The following GALNT13 variants were observed in gnomAD, a reference collection of about 807,000 sequenced individuals.
The protein encoded by GALNT13 is UDP-GalNAc:polypeptide N-acetylgalactosaminyltransferase 13.
GALNT13 carries 28 observed loss-of-function variants against 64.2 expected under a neutral mutation model. The observed-to-expected ratio is 0.44, with a 90% CI of 0.32 to 0.60. The LOEUF (loss-of-function observed/expected upper bound fraction) is 0.60. Ranked by LOEUF, GALNT13 falls within the 20% of genes least tolerant of loss-of-function variation. The probability of loss-of-function intolerance (pLI) is 0.05; values close to 1 mark genes in which losing one functional copy is unlikely to be tolerated. For missense variants in GALNT13, 577 were observed against 669.8 expected, an observed-to-expected ratio of 0.86 and a Z score of 1.53; for synonymous variants, 214 against 224.6, an observed-to-expected ratio of 0.95 and a Z score of 0.42.
At chr2:153,528,283 T>A in the GALNT13 span, among the ~76,000 whole-genome samples, 37 of 151,916 alleles carry the variant, frequency 2.4e-4, no homozygotes, top group Non-Finnish European at 4.4e-4. Flanking sequence ...CAGCTATACT[T>A]TTATCAGATA....
intron 3 of GALNT13, among the ~76,000 whole-genome samples, chr2:154,130,170 T>A (rs116728341): frequency 7.9e-4 from 120 of 152,282 alleles, no homozygotes; most frequent in African/African-American, 2.7e-3. Flanking sequence ...AAATTATAGT[T>A]GTGGTTGAGA....
In GALNT13 at chr2:154,231,237, A is replaced by C. The variant is rs1688897935; in HGVS notation, c.312-10793A>C. Among the ~76,000 whole-genome samples the C allele has an allele frequency of 2.0e-5, 3 of 152,130 alleles. No homozygotes were observed. In the South Asian group the frequency reaches 6.2e-4, roughly 31 times the overall value. On this transcript the variant is annotated intron_variant, in intron 4 of 12. Transcript: ENST00000392825. ...TATTTCCTCGGTTTCCTGGCAATAC[A>C]TACCTCCTTAAAAGAAATTCTTCCT...
At chr2:153,314,193 G>C in the GALNT13 span, among the ~76,000 whole-genome samples, 1 of 152,166 alleles carries the variant, frequency 6.6e-6, no homozygotes. Flanking sequence ...GAGGCATAAG[G>C]AAGAATCAGT....
chr2:154,328,744 A>G (rs1441314556), intron 9 of GALNT13, among the ~76,000 whole-genome samples: 3 of 152,140 alleles, frequency 2.0e-5, no homozygotes, highest in Non-Finnish European at 2.9e-5. Context: ...TTGTGCCAAC[A>G]TTACAACCCA....
At chr2:153,926,181 A>G (rs1172476446) in intron 2 of GALNT13, 4 of 152,224 alleles carry the variant, frequency 2.6e-5, no homozygotes, top group East Asian at 3.9e-4. Context: ...TTTAAATAAT[A>G]TAAAAAAGAA....
At chr2:153,491,503 C>T in the GALNT13 span, among the ~76,000 whole-genome samples, 1 of 152,012 alleles carries the variant, frequency 6.6e-6, no homozygotes, top group African/African-American at 2.4e-5. Context: ...CAGACTCTCC[C>T]TGTGAGAACA....
the GALNT13 span, among the ~76,000 whole-genome samples, chr2:153,524,651 G>C: frequency 6.6e-6 from 1 of 152,172 alleles, no homozygotes; most frequent in Non-Finnish European, 1.5e-5. Context: ...GGAAACGAAA[G>C]CCAGATCAAA....
chr2:153,743,382 T>C, the GALNT13 span, among the ~76,000 whole-genome samples: 1 of 152,176 alleles, frequency 6.6e-6, no homozygotes, highest in African/African-American at 2.4e-5. Context: ...CTCTTTGGCA[T>C]ACTGATTTCA....
chr2:153,448,070 T>C, the GALNT13 span, among the ~76,000 whole-genome samples: 1 of 152,152 alleles, frequency 6.6e-6, no homozygotes, highest in East Asian at 1.9e-4. Context: ...CCCTTACAAA[T>C]GTTTGCAAAG....
the GALNT13 span, among the ~76,000 whole-genome samples, chr2:153,145,602 T>C: frequency 2.6e-5 from 4 of 151,824 alleles, no homozygotes; most frequent in Non-Finnish European, 5.9e-5. Flanking sequence ...GTTTTCAGAG[T>C]GTGTGACTAT....
chr2:153,314,368 G>A, the GALNT13 span, among the ~76,000 whole-genome samples: 1 of 152,072 alleles, frequency 6.6e-6, no homozygotes, highest in Non-Finnish European at 1.5e-5. Context: ...TTCAATAATG[G>A]ATAACAATTA....
chr2:153,849,509 A>T, the GALNT13 span, among the ~76,000 whole-genome samples: 1 of 152,230 alleles, frequency 6.6e-6, no homozygotes, highest in Non-Finnish European at 1.5e-5. Context: ...TCAGATAATG[A>T]TTATTGGTCA....
the GALNT13 span, among the ~76,000 whole-genome samples, chr2:153,803,645 T>C: frequency 7.4e-6 from 1 of 135,958 alleles, no homozygotes; most frequent in South Asian, 2.2e-4. Context: ...TGAGCGGAGA[T>C]AGCGCCACTG....
At chr2:153,543,887 C>T in the GALNT13 span, among the ~76,000 whole-genome samples, 1 of 152,216 alleles carries the variant, frequency 6.6e-6, no homozygotes, top group Non-Finnish European at 1.5e-5. Flanking sequence ...TAGTTCCCCA[C>T]TTCTGCTCCC....
intron 9 of GALNT13, among the ~76,000 whole-genome samples, chr2:154,393,802 G>A (rs1436488241): frequency 1.3e-5 from 2 of 152,050 alleles, no homozygotes; most frequent in Admixed American, 6.6e-5. Flanking sequence ...TGCAAGGCCG[G>A]GCGCGGTGGC....
the GALNT13 span, among the ~76,000 whole-genome samples, chr2:153,679,899 T>G: frequency 6.6e-6 from 1 of 151,928 alleles, no homozygotes; most frequent in Non-Finnish European, 1.5e-5. Flanking sequence ...GAGTCTTGCT[T>G]AAACTTTCCT....
At chr2:153,631,210 T>G in the GALNT13 span, among the ~76,000 whole-genome samples, 8 of 152,312 alleles carry the variant, frequency 5.3e-5, no homozygotes, top group East Asian at 9.7e-4. Context: ...CAGTCTGTCG[T>G]TGTTGGACAT....
chr2:154,122,168 G>T (rs917059776), intron 3 of GALNT13, among the ~76,000 whole-genome samples: 3 of 151,794 alleles, frequency 2.0e-5, no homozygotes, highest in African/African-American at 4.8e-5. Context: ...TGTTGAATCG[G>T]CCATACATAC....
chr2:153,247,351 A>T, the GALNT13 span, among the ~76,000 whole-genome samples: 1 of 152,214 alleles, frequency 6.6e-6, no homozygotes, highest in Non-Finnish European at 1.5e-5. Context: ...TCAGTGCCAT[A>T]TGGCAGGTAT....
Sources: allele counts gnomAD v4.1 joint callset (sites outside exome capture counted in the v4.1 genomes callset), GRCh38; gene constraint gnomAD v4.1.1; transcripts MANE v1.5; gene names NCBI Gene and HGNC (gene_info 2026-07-23, HGNC 2026-07-21).